The following MAGED1 variants were observed in gnomAD, a reference collection of about 807,000 sequenced individuals.
MAGED1 encodes MAGE family member D1.
A neutral mutation model predicts 54.1 loss-of-function variants in MAGED1; 3 were observed. The observed-to-expected ratio is 0.06, with a 90% CI of 0.03 to 0.14. The LOEUF (loss-of-function observed/expected upper bound fraction) is 0.14. Among genes scored for constraint, MAGED1 ranks in the 10% least tolerant of loss-of-function variants. MAGED1 has a pLI of 1.00. For missense variants in MAGED1, 485 were observed against 623.4 expected (o/e 0.78, Z 2.36); for synonymous variants, 217 against 227.3 (o/e 0.95, Z 0.41).
intron 1 of MAGED1, among the ~76,000 whole-genome samples, chrX:51,851,970 A>G (rs1257099399): frequency 1.8e-5 from 2 of 111,964 alleles, no homozygotes; most frequent in Non-Finnish European, 3.8e-5. Flanking sequence ...GCTGTAGTAA[A>G]TTATGACAAA....
intron 7 of MAGED1, 91 bp downstream of exon 7, chrX:51,897,977 C>A: frequency 1.1e-6 from 1 of 899,944 alleles, no homozygotes; most frequent in Non-Finnish European, 1.6e-6. Flanking sequence ...GGTTCAGGGT[C>A]ACATAGCAGG....
chrX:51,896,423 T>C lies in MAGED1; in HGVS notation c.768T>C (p.Asn256=), dbSNP rs1557364231. ...TGATGATGCAGATTAATAACTTGAA[T>C]GTTGAAGAGAACAGCAGTGGGGATC... is the stretch of plus-strand genomic sequence containing the variant. ...GKRTRKINNL[N]VEENSSGDQR... is the part of the protein sequence containing the mutation. The change falls in exon 4 of 13, where the codon AAT becomes AAC. Residue 256 remains asparagine, a synonymous_variant. Coordinates refer to ENST00000326587, the MANE Select transcript of MAGED1 (RefSeq NM_006986.4). 8.3e-7 allele frequency: 1 copy of C among 1,205,958 alleles called. No homozygotes were observed. Among genetic ancestry groups the C allele is most frequent in the African/African-American group, 1.7e-5 (1 of 57,626 alleles).
chrX:51,894,938 C>G, intron 2 of MAGED1, 115 bp from the exon 3 acceptor site: 2 of 898,929 alleles, frequency 2.2e-6, no homozygotes, highest in South Asian at 2.6e-5. Context: ...CCTGTTTTTG[C>G]ACCCACCGCC....
rs1557364951 is a variant in MAGED1, at chrX:51,901,584, C to T, written c.1991C>T (p.Ala664Val). 8.4e-7 allele frequency: 1 copy of T among 1,193,117 alleles called. No homozygotes were observed. Among genetic ancestry groups the T allele is most frequent in the South Asian group, 1.9e-5 (1 of 54,001 alleles). The change falls in exon 12 of 13, where the codon GCA (alanine) becomes GTA (valine). Residue 664 changes from alanine to valine, a missense_variant. Ala to Val is a moderately conservative substitution (Grantham distance 64, BLOSUM62 0). Coordinates refer to ENST00000326587, the MANE Select transcript of MAGED1 (RefSeq NM_006986.4). Reference sequence around the variant, plus strand: ...AAAAGAGACCCTCGTGACTGGACTGCACAGTTCATGGAGGCTGCAGATGAG... The same window carrying T: ...AAAAGAGACCCTCGTGACTGGACTGTACAGTTCATGGAGGCTGCAGATGAG... ...VQKRDPRDWT[A>V]QFMEAADEAL...
chrX:51,848,495 C>T (rs782175634), intron 1 of MAGED1, among the ~76,000 whole-genome samples: 3 of 111,225 alleles, frequency 2.7e-5, no homozygotes, highest in Non-Finnish European at 5.7e-5. Flanking sequence ...CCTTGGTGTC[C>T]CGGGCTTTTA....
Position 51,807,129 on chromosome X carries a change from A to G in MAGED1, c.-37+4012A>G, listed in dbSNP as rs113098899. 2.2e-4 allele frequency among the ~76,000 whole-genome samples: 25 copies of G among 111,712 alleles called. No homozygotes were observed. In the East Asian group the frequency reaches 6.8e-3, roughly 30 times the overall value. On this transcript the variant is annotated intron_variant, in intron 1 of 12. Coordinates refer to the MAGED1 transcript ENST00000375772. ...GAAGTTGCTCTAGAATATAGCCAAC[A>G]CTTGCCTTTGTCTTGGTAGCTATTC...
At position 51,901,821 on chromosome X, in the gene MAGED1, G is replaced by A. The variant is rs782402643; in HGVS notation, c.2228G>A (p.Arg743His). Residue 743 changes from arginine to histidine, a missense_variant, in exon 12 of 13, where the codon CGC (arginine) becomes CAC (histidine). Physicochemically the swap from Arg to His is conservative, Grantham distance 29. Around this residue, in one of 2 missense-constraint regions of MAGED1, gnomAD observed 186 missense variants for 330.3 expected, o/e 0.56. Transcript: ENST00000326587. ...TFWARYHQNA[R>H]SRFPQTFAGP... ...TGGGCCAGATACCACCAGAATGCCCGCTCCAGATTCCCTCAGACCTTTGCC... is the reference window on the plus strand; with the variant it reads ...TGGGCCAGATACCACCAGAATGCCCACTCCAGATTCCCTCAGACCTTTGCC... 40 of 1,209,376 alleles carry A rather than the reference G, an allele frequency of 3.3e-5. No homozygotes were observed. Among genetic ancestry groups the A allele is most frequent in the Middle Eastern group, 2.3e-4 (1 of 4,344 alleles).
chrX:51,806,822 C>T (rs1174433445), intron 1 of MAGED1, among the ~76,000 whole-genome samples: 1 of 108,470 alleles, frequency 9.2e-6, no homozygotes, highest in East Asian at 2.9e-4. Flanking sequence ...AAGTCTTGCT[C>T]TGTCGCCCAG....
chrX:51,893,278 A>AG (rs1490160346), upstream of MAGED1, among the ~76,000 whole-genome samples: 1 of 98,889 alleles, frequency 1.0e-5, no homozygotes, highest in Middle Eastern at 5.4e-3. Context: ...GCCTGACAGG[A>AG]GGGGCCTTGA....
intron 1 of MAGED1, among the ~76,000 whole-genome samples, chrX:51,835,302 C>T (rs1400138952): frequency 1.8e-5 from 2 of 111,059 alleles, no homozygotes; most frequent in East Asian, 2.8e-4. Context: ...GCCTACAGTT[C>T]GGCAAAATCA....
At chrX:51,853,641 C>G (rs1180587579) in intron 1 of MAGED1, among the ~76,000 whole-genome samples, 4 of 112,432 alleles carry the variant, frequency 3.6e-5, no homozygotes, top group African/African-American at 9.7e-5. Context: ...CTCTATTTAC[C>G]TCTAGGTTCC....
chrX:51,895,848 G>A, intron 3 of MAGED1, 88 bp downstream of exon 3: 1 of 735,739 alleles, frequency 1.4e-6, no homozygotes, highest in Non-Finnish European at 2.0e-6. Flanking sequence ...AACAATGTAT[G>A]TAACTGTATT....
At chrX:51,843,604 A>G (rs782815211) in intron 1 of MAGED1, among the ~76,000 whole-genome samples, 3 of 111,988 alleles carry the variant, frequency 2.7e-5, no homozygotes, top group Non-Finnish European at 3.8e-5. Flanking sequence ...AAACCAGGGA[A>G]GTAAATTTTT....
chrX:51,808,670 G>A (rs1257730881), intron 1 of MAGED1, among the ~76,000 whole-genome samples: 1 of 111,456 alleles, frequency 9.0e-6, no homozygotes, highest in African/African-American at 3.3e-5. Flanking sequence ...GATTGCACCA[G>A]TGCACTCCAG....
chrX:51,815,231 T>TA (rs1297797116), intron 1 of MAGED1, among the ~76,000 whole-genome samples: 1 of 109,639 alleles, frequency 9.1e-6, no homozygotes. Context: ...TTCTACCTAT[T>TA]AAAAAAAAAG....
chrX:51,896,825 G>A lies in MAGED1; in HGVS notation c.1170G>A (p.Pro390=), dbSNP rs141719497. The change falls in exon 4 of 13, where the codon CCG becomes CCA. Residue 390 remains proline (P), a synonymous_variant. Coordinates refer to ENST00000326587, the MANE Select transcript of MAGED1 (RefSeq NM_006986.4). ...CTCCACCTGGATGGCAGACCCCACC[G>A]GGCTGGCAGGGTCCTCCAGACTGGC... ...WQTPPGWQTP[P]GWQGPPDWQG... The A allele has an allele frequency of 9.7e-5, 117 of 1,202,656 alleles. No individual in the cohort carries two copies. The African/African-American group carries it at 1.2e-3, about 12-fold the overall frequency.
intron 1 of MAGED1, among the ~76,000 whole-genome samples, chrX:51,883,274 T>A (rs1173333779): frequency 9.0e-6 from 1 of 111,378 alleles, no homozygotes; most frequent in Non-Finnish European, 1.9e-5. Flanking sequence ...GGAAGCCTAA[T>A]GAAGAGTCAG....
intron 1 of MAGED1, among the ~76,000 whole-genome samples, chrX:51,815,650 G>A (rs782083739): frequency 1.6e-4 from 18 of 109,399 alleles, no homozygotes; most frequent in Admixed American, 1.5e-3. Context: ...AGCCTCCGGA[G>A]TTCTGGGATT....
At chrX:51,859,201 G>C (rs116822343) in intron 1 of MAGED1, among the ~76,000 whole-genome samples, 1,825 of 109,893 alleles carry the variant, frequency 0.017, 33 homozygotes, top group African/African-American at 0.057. Context: ...GGTATAAAGT[G>C]TCTAGTATGG....
Sources: gnomAD v4.1 joint callset for allele counts (sites outside exome capture counted in the v4.1 genomes callset) on GRCh38, gnomAD v4.1.1 for gene constraint, gnomAD v4.1.1 regional missense constraint, MANE v1.5 for transcripts, NCBI Gene and HGNC (gene_info 2026-07-23, HGNC 2026-07-21) for gene names.